TMEM248: variants seen among roughly 807,000 people sequenced by gnomAD.
TMEM248 encodes transmembrane protein 248.
In TMEM248, 9 loss-of-function variants were observed where a neutral mutation model predicts 30.3. That is an observed-to-expected ratio of 0.30 (90% CI 0.18 to 0.52). TMEM248 has a LOEUF of 0.52. Among genes scored for constraint, TMEM248 ranks in the 20% least tolerant of loss-of-function variants. The pLI is 0.97. For missense variants in TMEM248, 338 were observed against 403.3 expected (o/e 0.84, Z 1.39); for synonymous variants, 184 against 154.4 (o/e 1.19, Z -1.42).
rs115011017 is a variant in TMEM248 at position 66,940,915 on chromosome 7, T to G, written c.-18-933T>G. On this transcript the variant is annotated intron_variant, in intron 1 of 6. Transcript: ENST00000341567. ...ACATTACTGACCCACCTAAACCTTT[T>G]CTTAAGTGATACGGAAGTAACAGTA... Among the ~76,000 whole-genome samples, 223 of 151,410 alleles carry G rather than the reference T, an allele frequency of 1.5e-3. 1 individual carries two copies. Among genetic ancestry groups the G allele is most frequent in the African/African-American group, 5.3e-3 (217 of 40,668 alleles).
intron 1 of TMEM248, among the ~76,000 whole-genome samples, chr7:66,940,378 C>T (rs1299264181): frequency 6.6e-6 from 1 of 152,144 alleles, no homozygotes; most frequent in African/African-American, 2.4e-5. Context: ...TATGAATAAA[C>T]TTAATAAAAG....
At chr7:66,943,893 C>G (rs1293044783) in intron 2 of TMEM248, among the ~76,000 whole-genome samples, 1 of 151,800 alleles carries the variant, frequency 6.6e-6, no homozygotes, top group Non-Finnish European at 1.5e-5. Flanking sequence ...TGCCCCCCTT[C>G]AAACGATTTT....
In TMEM248 at chr7:66,948,664, C is replaced by T. The variant is rs922259355; in HGVS notation, c.566C>T (p.Thr189Met). 1.3e-5 allele frequency: 21 copies of T among 1,613,740 alleles called. No homozygotes were observed. The highest frequency in any genetic ancestry group is 3.3e-5 in the Admixed American group (2 of 60,004). ...QVVFTACMTL[T>M]ASPGVFPVTV... ...GTATTCACAGCCTGCATGACCCTCA[C>T]GGCCAGCCCTGGGGTGTTCCCCGTC... The change falls in exon 4 of 7, where the codon ACG (threonine) becomes ATG (methionine). Residue 189 changes from threonine to methionine, a missense_variant. By Grantham distance (81) the Thr-to-Met change is moderately conservative (BLOSUM62 -1). Transcript: ENST00000341567.
chr7:66,932,131 C>T (rs1791684710), intron 1 of TMEM248, among the ~76,000 whole-genome samples: 1 of 152,118 alleles, frequency 6.6e-6, no homozygotes, highest in Admixed American at 6.6e-5. Flanking sequence ...AGCTGCTTTC[C>T]TCCCCTTATA....
At chr7:66,955,102 A>C (rs1314696137) in intron 6 of TMEM248, among the ~76,000 whole-genome samples, 2 of 152,158 alleles carry the variant, frequency 1.3e-5, no homozygotes, top group African/African-American at 4.8e-5. Context: ...TTCTCTACTA[A>C]CAGTTAAAAA....
chr7:66,941,110 C>T (rs374100350), intron 1 of TMEM248, among the ~76,000 whole-genome samples: 1 of 151,668 alleles, frequency 6.6e-6, no homozygotes, highest in African/African-American at 2.4e-5. Flanking sequence ...TAGCCGGGCA[C>T]GGTGGCTCAC....
intron 1 of TMEM248, among the ~76,000 whole-genome samples, chr7:66,938,785 C>T (rs560704083): frequency 3.9e-5 from 6 of 152,184 alleles, no homozygotes; most frequent in South Asian, 2.1e-4. Context: ...GGATTACAGG[C>T]GTGAGCCACT....
intron 1 of TMEM248, among the ~76,000 whole-genome samples, chr7:66,933,950 C>G (rs1365736317): frequency 2.0e-5 from 3 of 150,780 alleles, no homozygotes; most frequent in African/African-American, 7.3e-5. Flanking sequence ...AGTGTGCTTT[C>G]TTTTATCTCT....
chr7:66,942,136 A>G (rs1374852438), intron 2 of TMEM248, 112 bp downstream of exon 2: 9 of 1,172,298 alleles, frequency 7.7e-6, no homozygotes, highest in Non-Finnish European at 9.6e-6. Context: ...CCTAGTGAGA[A>G]AAATCAGTAT....
At chr7:66,932,052 C>A (rs1209207318) in intron 1 of TMEM248, among the ~76,000 whole-genome samples, 2 of 150,210 alleles carry the variant, frequency 1.3e-5, no homozygotes, top group African/African-American at 2.5e-5. Flanking sequence ...GATCCACCCA[C>A]CTTGGCCTCC....
At chr7:66,952,513 A>AAG (rs1454571395) in intron 5 of TMEM248, among the ~76,000 whole-genome samples, 2 of 152,136 alleles carry the variant, frequency 1.3e-5, no homozygotes, top group African/African-American at 4.8e-5. Context: ...GGTGTTGGTA[A>AAG]AGCAGTGTGT....
chr7:66,947,618 T>C (rs998025844), intron 3 of TMEM248, among the ~76,000 whole-genome samples: 2 of 151,884 alleles, frequency 1.3e-5, no homozygotes, highest in African/African-American at 4.8e-5. Context: ...GCCAGGCTGG[T>C]CTTGAACTTC....
At position 66,949,249 on chromosome 7, in the gene TMEM248, G is replaced by T. The variant is rs549679455; in HGVS notation, c.596+555G>T. ...TGCCTATAATCCCAGCACTTTGGGA[G>T]GCCAAGGTGGGCAGATCACCTGAGG... On this transcript the variant is annotated intron_variant, in intron 4 of 6. Transcript: ENST00000341567. Among the ~76,000 whole-genome samples the T allele has an allele frequency of 5.9e-5, 9 of 152,282 alleles. No individual in the cohort carries two copies. The South Asian group carries it at 6.2e-4, about 11-fold the overall frequency.
rs1186058664 is a variant in TMEM248 at position 66,956,869 on chromosome 7, C to G, written c.*1347C>G. Reference sequence around the variant, plus strand: ...TAAAATTTTTTTGTAGAGACAGAGTCTCCCTCTGTTGCCCAGGCTGGTCTG... The same window carrying G: ...TAAAATTTTTTTGTAGAGACAGAGTGTCCCTCTGTTGCCCAGGCTGGTCTG... On this transcript the variant is annotated 3_prime_UTR_variant, in exon 7 of 7. Transcript: ENST00000341567. 6.6e-6 allele frequency: 1 copy of G among 151,616 alleles called. No homozygotes were observed. Among genetic ancestry groups the G allele is most frequent in the Non-Finnish European group, 1.5e-5 (1 of 67,908 alleles). The allele number at this position is 151,616 out of a possible 1,614,324, so 9.4% of individuals were successfully genotyped here.
chr7:66,934,585 C>T (rs1226532731), intron 1 of TMEM248, among the ~76,000 whole-genome samples: 3 of 152,118 alleles, frequency 2.0e-5, no homozygotes, highest in African/African-American at 7.2e-5. Flanking sequence ...CAATATTTGC[C>T]ATTTTGTGGG....
intron 1 of TMEM248, among the ~76,000 whole-genome samples, chr7:66,934,201 A>T (rs1001448160): frequency 4.0e-5 from 6 of 150,824 alleles, no homozygotes; most frequent in South Asian, 2.1e-4. Flanking sequence ...TTATTATTTT[A>T]TTATTATTAT....
At chr7:66,924,512 C>T (rs1343335074) in intron 1 of TMEM248, among the ~76,000 whole-genome samples, 3 of 152,208 alleles carry the variant, frequency 2.0e-5, no homozygotes, top group Admixed American at 6.5e-5. Flanking sequence ...TCAAGCGATT[C>T]TCCTGCCTCA....
In TMEM248 at chr7:66,944,426, C is replaced by T. The variant is rs111412440; in HGVS notation, c.160-550C>T. Among the ~76,000 whole-genome samples, 314 of 152,180 alleles carry T rather than the reference C, an allele frequency of 2.1e-3. 1 individual carries two copies. The highest frequency in any genetic ancestry group is 7.2e-3 in the African/African-American group (299 of 41,534). Reference sequence around the variant, plus strand: ...GGCCCCTTCCTTTTTGAAATCGTTGCTGCTCTAAGGTGTCATCAAAAGTCC... The same window carrying T: ...GGCCCCTTCCTTTTTGAAATCGTTGTTGCTCTAAGGTGTCATCAAAAGTCC... On this transcript the variant is annotated intron_variant, in intron 2 of 6. Coordinates refer to ENST00000341567, the MANE Select transcript of TMEM248 (RefSeq NM_017994.5).
intron 1 of TMEM248, among the ~76,000 whole-genome samples, chr7:66,934,683 T>A (rs1263615852): frequency 6.6e-6 from 1 of 152,180 alleles, no homozygotes; most frequent in Non-Finnish European, 1.5e-5. Context: ...TAATTCAGAT[T>A]TTTCTACTGT....
Sources: allele counts gnomAD v4.1 joint callset (sites outside exome capture counted in the v4.1 genomes callset), GRCh38; gene constraint gnomAD v4.1.1; transcripts MANE v1.5; gene names NCBI Gene and HGNC (gene_info 2026-07-23, HGNC 2026-07-21).